Variants in TCTN3 observed in about 807,000 individuals in gnomAD.
TCTN3 encodes tectonic-3.
In TCTN3, 57 loss-of-function variants were observed where a neutral mutation model predicts 71.3. The ratio of observed to expected loss-of-function variants is 0.80; its 90% CI spans 0.65 to 1.00. TCTN3 has a LOEUF of 1.00. TCTN3 is among the 50% of genes least tolerant of loss of function. TCTN3 has a pLI of 0.00. For synonymous variants in TCTN3, 258 were observed against 267.8 expected (o/e 0.96, Z 0.36); for missense variants, 696 against 719.9 (o/e 0.97, Z 0.38).
intron 3 of TCTN3, 162 bp downstream of exon 3, chr10:95,692,758 A>AT (rs1374813545): frequency 8.9e-5 from 53 of 596,298 alleles, no homozygotes; most frequent in African/African-American, 2.4e-4. Context: ...AACATTTGAC[A>AT]TTTTTTTTGC....
chr10:95,687,136 T>A lies in TCTN3; in HGVS notation c.760A>T (p.Thr254Ser). ...PAGFLESKSTTCTRFFKNLAS... is the reference protein window; with the variant it reads ...PAGFLESKSTSCTRFFKNLAS... ...AGGTTCTTGAAAAAACGAGTGCAAGTTGTACTTTTACTCTCTAGGAAACCT... is the reference window on the plus strand; with the variant it reads ...AGGTTCTTGAAAAAACGAGTGCAAGATGTACTTTTACTCTCTAGGAAACCT... The change falls in exon 6 of 14, where the codon ACT becomes TCT. Residue 254 changes from threonine to serine, a missense_variant. Coordinates refer to ENST00000371217, the MANE Select transcript of TCTN3 (RefSeq NM_015631.6). The A allele has an allele frequency of 6.2e-7, 1 of 1,614,162 alleles. No individual in the cohort carries two copies. Among genetic ancestry groups the A allele is most frequent in the Non-Finnish European group, 8.5e-7 (1 of 1,180,012 alleles).
rs2097955556 is a variant in TCTN3, at chr10:95,693,413, C to T, written c.320G>A (p.Arg107Lys). The change falls in exon 2 of 14, where the codon AGG (arginine) becomes AAG (lysine). Residue 107 changes from arginine (R) to lysine (K), a missense_variant. Arg to Lys is a conservative substitution (Grantham distance 26). Transcript: ENST00000371217. ...GACDINCCCD[R>K]DCYLLHPRTV... ...CCTCGGATGGAGAAGATAGCAGTCC[C>T]TGTCGCAGCAGCAATTTATATCGCA... 6.4e-7 allele frequency: 1 copy of T among 1,551,878 alleles called. No individual in the cohort carries two copies. Among genetic ancestry groups the T allele is most frequent in the Non-Finnish European group, 8.7e-7 (1 of 1,147,070 alleles).
intron 13 of TCTN3, among the ~76,000 whole-genome samples, chr10:95,667,917 T>C (rs568711611): frequency 3.3e-4 from 50 of 152,210 alleles, no homozygotes; most frequent in African/African-American, 1.2e-3. Context: ...GAGTTGAAGA[T>C]TGACAAACAT....
intron 13 of TCTN3, among the ~76,000 whole-genome samples, chr10:95,673,152 G>C (rs114096212): frequency 0.034 from 5,128 of 152,092 alleles, 120 homozygotes; most frequent in Non-Finnish European, 0.049. Context: ...TTTCATAATG[G>C]TATCTTTTGG....
intron 7 of TCTN3, 146 bp downstream of exon 7, chr10:95,686,349 A>G (rs765156728): frequency 8.5e-5 from 69 of 815,292 alleles, no homozygotes; most frequent in Non-Finnish European, 1.3e-4. Context: ...ACGTACTTGC[A>G]AAGGCACCGT....
chr10:95,693,494 AGAGT>A lies in TCTN3; in HGVS notation c.257-22_257-19del, dbSNP rs1426583967. On this transcript the variant is annotated intron_variant, in intron 1 of 13. Transcript: ENST00000371217. ...CGGTAAGACTATGAAAGTACGACAC[AGAGT>A]GAGTGGGATGAAGATCCCCAAACTC... 38 of 1,552,110 alleles carry A rather than the reference AGAGT, an allele frequency of 2.4e-5. No homozygotes were observed. In the East Asian group the frequency reaches 7.8e-4, roughly 32 times the overall value.
At chr10:95,690,265 G>A (rs1566076278) in intron 3 of TCTN3, among the ~76,000 whole-genome samples, 2 of 152,150 alleles carry the variant, frequency 1.3e-5, no homozygotes, top group Admixed American at 6.5e-5. Flanking sequence ...TTACAGGTAT[G>A]AGCCACCATG....
chr10:95,685,630 C>A lies in TCTN3; in HGVS notation c.895G>T (p.Val299Phe). The A allele has an allele frequency of 6.4e-7, 1 of 1,551,104 alleles. No individual in the cohort carries two copies. Among genetic ancestry groups the A allele is most frequent in the East Asian group, 2.4e-5 (1 of 40,884 alleles). Residue 299 changes from valine (V) to phenylalanine (F), a missense_variant, in exon 8 of 14, where the codon GTT (valine) becomes TTT (phenylalanine). Val to Phe is a conservative substitution (Grantham distance 50). Transcript: ENST00000371217. ...MTDPQNMEFQ[V>F]PVILTSQANA... is the part of the protein sequence containing the mutation. The stretch of plus-strand genomic sequence containing the variant: ...GCCTGTGAGGTAAGTATTACAGGAA[C>A]CTGGAACTAGCAACGAAAAGAAGCA...
intron 13 of TCTN3, among the ~76,000 whole-genome samples, chr10:95,672,635 A>G (rs1053967158): frequency 7.1e-6 from 1 of 140,326 alleles, no homozygotes; most frequent in Non-Finnish European, 1.5e-5. Flanking sequence ...ATACCTTTCT[A>G]TGTTTAATGA....
At position 95,683,504 on chromosome 10, in the gene TCTN3, C is replaced by T. The variant is rs1353637039; in HGVS notation, c.1203+18G>A. ...TCTCATTAGGCTGCAACAGGCCACC[C>T]AGCTCTAAAAAGGATACTGAGTAAC... is the stretch of plus-strand genomic sequence containing the variant. On this transcript the variant is annotated intron_variant, in intron 10 of 13. Transcript: ENST00000371217. 2.5e-6 allele frequency: 4 copies of T among 1,614,122 alleles called. No homozygotes were observed. The highest frequency in any genetic ancestry group is 3.4e-6 in the Non-Finnish European group (4 of 1,180,016).
Position 95,693,852 on chromosome 10 carries a change from G to T in TCTN3, c.48C>A (p.Phe16Leu), listed in dbSNP as rs1382410134. 9.7e-6 allele frequency: 15 copies of T among 1,551,582 alleles called. No homozygotes were observed. The highest frequency in any genetic ancestry group is 2.0e-5 in the Admixed American group (1 of 50,988). The change falls in exon 1 of 14, where the codon TTC (phenylalanine) becomes TTA (leucine). Residue 16 changes from phenylalanine to leucine, a missense_variant. Phe to Leu is a conservative substitution (Grantham distance 22). Transcript: ENST00000371217. ...AGGGCTGAGGCCGGACGCCATCGGGGAACACCAGAAAGAACACTTGCAGGA... is the reference window on the plus strand; with the variant it reads ...AGGGCTGAGGCCGGACGCCATCGGGTAACACCAGAAAGAACACTTGCAGGA... ...LALLQVFFLV[F>L]PDGVRPQPSS... is the part of the protein sequence containing the mutation.
At chr10:95,675,036 AT>A (rs2097935577) in intron 13 of TCTN3, among the ~76,000 whole-genome samples, 1 of 152,230 alleles carries the variant, frequency 6.6e-6, no homozygotes, top group South Asian at 2.1e-4. Flanking sequence ...GAGAATGAAT[AT>A]GTTACAGGAT....
chr10:95,664,096 G>T lies in TCTN3; in HGVS notation c.1795C>A (p.Leu599Ile). ...SPILILCLLL[L>I]GVLNLETM The stretch of plus-strand genomic sequence containing the variant: ...ATAGTCTCTAGGTTGAGAACTCCAA[G>T]TAGTAAGAGGCACAGGATAAGGATG... The change falls in exon 14 of 14, where the codon CTT becomes ATT. Residue 599 changes from leucine to isoleucine, a missense_variant. By Grantham distance (5) the Leu-to-Ile change is conservative. Coordinates refer to ENST00000371217, the MANE Select transcript of TCTN3 (RefSeq NM_015631.6). 1 of 1,614,068 alleles carries T rather than the reference G, an allele frequency of 6.2e-7. No homozygotes were observed. The highest frequency in any genetic ancestry group is 8.5e-7 in the Non-Finnish European group (1 of 1,179,966).
intron 13 of TCTN3, among the ~76,000 whole-genome samples, chr10:95,677,487 T>TG (rs1566068602): frequency 0.03 from 2,364 of 79,522 alleles, 119 homozygotes; most frequent in African/African-American, 0.12. Context: ...TTTTTTGTTT[T>TG]TTTTTTTTTT....
chr10:95,676,809 A>G (rs977143673), intron 13 of TCTN3, among the ~76,000 whole-genome samples: 10 of 152,222 alleles, frequency 6.6e-5, no homozygotes, highest in Non-Finnish European at 1.3e-4. Flanking sequence ...TGATATCAAG[A>G]GTAATATTTA....
In TCTN3 at chr10:95,688,610, C is replaced by T. The variant is rs74962148; in HGVS notation, c.500-891G>A. Among the ~76,000 whole-genome samples the T allele has an allele frequency of 3.2e-3, 481 of 152,190 alleles. 2 individuals are homozygous for T. Among genetic ancestry groups the T allele is most frequent in the Non-Finnish European group, 4.9e-3 (331 of 68,004 alleles). On this transcript the variant is annotated intron_variant, in intron 3 of 13. Transcript: ENST00000371217. ...ACTGACAAGTCCTAACAACAACTGA[C>T]GAGTCCTAACAATGTTGCCATCTCT... is the stretch of plus-strand genomic sequence containing the variant.
At chr10:95,675,841 T>C (rs1429401218) in intron 13 of TCTN3, among the ~76,000 whole-genome samples, 1 of 152,254 alleles carries the variant, frequency 6.6e-6, no homozygotes, top group Non-Finnish European at 1.5e-5. Flanking sequence ...TTATCTTTCC[T>C]AGTATGCTGC....
intron 6 of TCTN3, 120 bp downstream of exon 6, chr10:95,686,924 T>A: frequency 1.2e-6 from 1 of 815,586 alleles, no homozygotes; most frequent in Non-Finnish European, 2.0e-6. Flanking sequence ...CTCTGTCTTT[T>A]ACGTGGCTCC....
chr10:95,684,785 T>A (rs1033232584), intron 8 of TCTN3, among the ~76,000 whole-genome samples, 161 bp from the exon 9 acceptor site: 1 of 152,182 alleles, frequency 6.6e-6, no homozygotes, highest in Non-Finnish European at 1.5e-5. Context: ...AAGATAAAGA[T>A]GATTTCATAT....
Sources: allele counts gnomAD v4.1 joint callset (sites outside exome capture counted in the v4.1 genomes callset), GRCh38; gene constraint gnomAD v4.1.1; transcripts MANE v1.5; gene names NCBI Gene and HGNC (gene_info 2026-07-23, HGNC 2026-07-21).